The following N4BP2 variants were observed in gnomAD, a reference collection of about 807,000 sequenced individuals.
N4BP2 encodes NEDD4 binding protein 2, also known as NEDD4-binding protein 2.
Under a neutral mutation model 152.8 loss-of-function variants are expected in N4BP2, and 91 were observed. The ratio of observed to expected loss-of-function variants is 0.60; its 90% CI spans 0.50 to 0.71. The LOEUF (loss-of-function observed/expected upper bound fraction) is 0.71, where lower values mean the gene tolerates loss of function less well. Among genes scored for constraint, N4BP2 ranks in the 30% least tolerant of loss-of-function variants. The probability of loss-of-function intolerance (pLI) is 0.00; values close to 1 mark genes in which losing one functional copy is unlikely to be tolerated. For missense variants in N4BP2, 1,923 were observed against 2,059.1 expected, an observed-to-expected ratio of 0.93 and a Z score of 1.28; for synonymous variants, 646 against 705.3, an observed-to-expected ratio of 0.92 and a Z score of 1.33.
the N4BP2 span, among the ~76,000 whole-genome samples, chr4:40,168,618 T>C: frequency 6.6e-6 from 1 of 151,904 alleles, no homozygotes; most frequent in Non-Finnish European, 1.5e-5. Flanking sequence ...ACTAGACAGA[T>C]CTAGTAGACA....
At chr4:40,091,261 T>C (rs970189670) in intron 2 of N4BP2, among the ~76,000 whole-genome samples, 17 of 152,090 alleles carry the variant, frequency 1.1e-4, no homozygotes, top group Non-Finnish European at 1.9e-4. Context: ...ATTTTCTTTT[T>C]TTCTCTTATT....
Position 40,102,317 on chromosome 4 carries a change from G to A in N4BP2, c.472G>A (p.Asp158Asn), listed in dbSNP as rs1180425807. 1 of 1,613,428 alleles carries A rather than the reference G, an allele frequency of 6.2e-7. No homozygotes were observed. The highest frequency in any genetic ancestry group is 8.5e-7 in the Non-Finnish European group (1 of 1,179,754). Residue 158 changes from aspartate to asparagine, a missense_variant, in exon 4 of 18, where the codon GAT becomes AAT. Physicochemically the swap from Asp to Asn is conservative, Grantham distance 23. Transcript: ENST00000261435. ...TTTTGAGAAATTGAACTCTTCTCCT[G>A]ATGACCAAGTATACTCATTTTTGCC... ...NAFEKLNSSP[D>N]DQVYSFLPSQ...
chr4:40,060,024 G>A (rs1162018873), intron 1 of N4BP2, among the ~76,000 whole-genome samples: 2 of 151,752 alleles, frequency 1.3e-5, no homozygotes, highest in Non-Finnish European at 2.9e-5. Flanking sequence ...TAAAGAGACA[G>A]GGTCTCACTA....
chr4:40,120,245 A>G lies in N4BP2; in HGVS notation c.2134A>G (p.Ser712Gly). 1 of 1,613,978 alleles carries G rather than the reference A, an allele frequency of 6.2e-7. No homozygotes were observed. The highest frequency in any genetic ancestry group is 8.5e-7 in the Non-Finnish European group (1 of 1,180,000). ...AGAAATGGTGGCTGTAAAAGGGTAT[A>G]GTAAAACTGACACAGATAGTTCTAT... is the stretch of plus-strand genomic sequence containing the variant. ...QIEMVAVKGY[S>G]KTDTDSSMER... is the part of the protein sequence containing the mutation. Residue 712 changes from serine to glycine, a missense_variant, in exon 9 of 18, where the codon AGT becomes GGT. Ser to Gly is a moderately conservative substitution (Grantham distance 56). Transcript: ENST00000261435.
At chr4:40,075,016 A>G (rs553962292) in intron 2 of N4BP2, among the ~76,000 whole-genome samples, 2 of 152,168 alleles carry the variant, frequency 1.3e-5, no homozygotes, top group African/African-American at 4.8e-5. Context: ...AGAAAAAAAA[A>G]AAAGTAAATA....
At chr4:40,058,874 G>A (rs1733429184) in intron 1 of N4BP2, among the ~76,000 whole-genome samples, 1 of 152,100 alleles carries the variant, frequency 6.6e-6, no homozygotes, top group Non-Finnish European at 1.5e-5. Context: ...AGGCTGGAGT[G>A]CAGTGGCACT....
intron 14 of N4BP2, among the ~76,000 whole-genome samples, chr4:40,138,936 T>G (rs1272874554): frequency 6.6e-6 from 1 of 152,174 alleles, no homozygotes; most frequent in Non-Finnish European, 1.5e-5. Context: ...ATGTGAATTT[T>G]AGGATTAGTT....
Position 40,121,628 on chromosome 4 carries a change from A to C in N4BP2, c.3517A>C (p.Asn1173His), listed in dbSNP as rs774513533. The part of the protein sequence containing the change: ...ISQRGTLENS[N>H]SPVPEFSHGI... ...CCAAAGAGGAACTTTAGAGAATTCT[A>C]ATTCTCCTGTGCCAGAGTTTAGCCA... The change falls in exon 9 of 18, where the codon AAT becomes CAT. Residue 1173 changes from asparagine to histidine, a missense_variant. Coordinates refer to ENST00000261435, the MANE Select transcript of N4BP2 (RefSeq NM_018177.6). The C allele has an allele frequency of 1.2e-6, 2 of 1,614,186 alleles. No individual in the cohort carries two copies. The highest frequency in any genetic ancestry group is 2.2e-5 in the East Asian group (1 of 44,876).
chr4:40,118,748 A>C (rs770120336), intron 8 of N4BP2, among the ~76,000 whole-genome samples: 20 of 152,232 alleles, frequency 1.3e-4, no homozygotes, highest in African/African-American at 2.7e-4. Flanking sequence ...TAGTGTTATA[A>C]AAATTATTAA....
the N4BP2 span, chr4:40,166,688 TAAA>T: frequency 2.7e-5 from 4 of 147,548 alleles, no homozygotes; most frequent in Non-Finnish European, 6.0e-5. Flanking sequence ...AAACTCCATC[TAAA>T]AAAAAAACAA....
chr4:40,148,783 C>T (rs991582521), intron 16 of N4BP2, among the ~76,000 whole-genome samples: 3 of 152,212 alleles, frequency 2.0e-5, no homozygotes, highest in African/African-American at 7.2e-5. Context: ...AGCCACCATG[C>T]CTGGCCTGAG....
At chr4:40,069,949 A>G (rs550350519) in intron 1 of N4BP2, among the ~76,000 whole-genome samples, 1 of 151,438 alleles carries the variant, frequency 6.6e-6, no homozygotes, top group East Asian at 1.9e-4. Context: ...ACCCCCAAAA[A>G]CTCTTTCTTT....
chr4:40,113,578 C>T (rs1169422693), intron 7 of N4BP2, 70 bp downstream of exon 7: 2 of 1,074,094 alleles, frequency 1.9e-6, no homozygotes, highest in Admixed American at 3.7e-5. Context: ...TTAGATTTTT[C>T]CCCTTGTAAA....
At chr4:40,103,541 TAA>T (rs1394080327) in intron 4 of N4BP2, among the ~76,000 whole-genome samples, 8 of 152,324 alleles carry the variant, frequency 5.3e-5, no homozygotes, top group East Asian at 1.9e-4. Context: ...ATCACAGAGT[TAA>T]AGAGATATAA....
At chr4:40,166,070 CA>C in the N4BP2 span, among the ~76,000 whole-genome samples, 1 of 152,048 alleles carries the variant, frequency 6.6e-6, no homozygotes, top group Non-Finnish European at 1.5e-5. Context: ...TCATAGAACA[CA>C]CCTCCCTCCC....
chr4:40,106,896 A>T lies in N4BP2; in HGVS notation c.1374-4A>T. ...ATGAAAATTATTTCATTTATCTTTC[A>T]CAGGACTTTGCAAGAGGATAATCCA... On this transcript the variant is annotated splice_region_variant and splice_polypyrimidine_tract_variant and intron_variant, in intron 4 of 17. Transcript: ENST00000261435. 6.3e-7 allele frequency: 1 copy of T among 1,599,512 alleles called. No homozygotes were observed. The highest frequency in any genetic ancestry group is 8.5e-7 in the Non-Finnish European group (1 of 1,172,768).
chr4:40,187,095 G>T, the N4BP2 span, among the ~76,000 whole-genome samples: 1 of 152,202 alleles, frequency 6.6e-6, no homozygotes, highest in Admixed American at 6.5e-5. Flanking sequence ...ACCAAGACAA[G>T]AAATTAATTG....
intron 2 of N4BP2, among the ~76,000 whole-genome samples, chr4:40,088,510 T>G (rs1341126363): frequency 1.3e-5 from 2 of 151,814 alleles, no homozygotes; most frequent in East Asian, 3.9e-4. Context: ...TAGTTTTTTT[T>G]TTTTTTTGCA....
chr4:40,125,827 C>T (rs1039838926), intron 11 of N4BP2, among the ~76,000 whole-genome samples: 2 of 146,256 alleles, frequency 1.4e-5, no homozygotes, highest in East Asian at 4.0e-4. Context: ...GCGGAGGTTG[C>T]AGTGAGCCGA....
Sources: allele counts gnomAD v4.1 joint callset (sites outside exome capture counted in the v4.1 genomes callset), GRCh38; gene constraint gnomAD v4.1.1; transcripts MANE v1.5; gene names NCBI Gene and HGNC (gene_info 2026-07-23, HGNC 2026-07-21).